The following ESRRG variants were observed in gnomAD, a reference collection of about 807,000 sequenced individuals.
ESRRG encodes the protein estrogen related receptor gamma.
ESRRG carries 13 observed loss-of-function variants against 44.0 expected under a neutral mutation model. The observed-to-expected ratio is 0.30, with a 90% CI of 0.19 to 0.47. The LOEUF is 0.47. Among genes scored for constraint, ESRRG ranks in the 20% least tolerant of loss-of-function variants. The pLI is 1.00. For synonymous variants in ESRRG, 215 were observed against 214.6 expected (o/e 1.00, Z -0.02); for missense variants, 395 against 580.6 (o/e 0.68, Z 3.29).
At chr1:217,095,017 A>G (rs897137329) in intron 1 of ESRRG, among the ~76,000 whole-genome samples, 2 of 149,052 alleles carry the variant, frequency 1.3e-5, no homozygotes, top group African/African-American at 2.5e-5. Context: ...TTGTAGGCAA[A>G]GTGTGTGTCT....
intron 1 of ESRRG, 60 bp downstream of exon 1, chr1:216,723,184 T>TG: frequency 1.5e-6 from 2 of 1,377,184 alleles, no homozygotes; most frequent in Non-Finnish European, 2.1e-6. Context: ...ATATAGTCTG[T>TG]CCGCCCCCAC....
intron 2 of ESRRG, among the ~76,000 whole-genome samples, chr1:216,889,174 C>A (rs1313714714): frequency 6.6e-6 from 1 of 152,184 alleles, no homozygotes; most frequent in African/African-American, 2.4e-5. Context: ...TTGCTGACAT[C>A]CTTCCAGTTT....
At chr1:216,613,433 G>C (rs988670985) in intron 3 of ESRRG, among the ~76,000 whole-genome samples, 1 of 152,158 alleles carries the variant, frequency 6.6e-6, no homozygotes, top group South Asian at 2.1e-4. Flanking sequence ...ATTTTTGGCA[G>C]AGGTGCTATA....
chr1:216,719,744 G>C (rs1251459076), intron 1 of ESRRG, among the ~76,000 whole-genome samples: 2 of 151,968 alleles, frequency 1.3e-5, no homozygotes, highest in Non-Finnish European at 2.9e-5. Flanking sequence ...ATCCATGCAA[G>C]AGAATTAATG....
intron 1 of ESRRG, among the ~76,000 whole-genome samples, chr1:216,991,870 A>G (rs1489657333): frequency 6.6e-6 from 1 of 152,166 alleles, no homozygotes; most frequent in Non-Finnish European, 1.5e-5. Context: ...GGCGTGTTTT[A>G]TTTGTGCCAC....
intron 3 of ESRRG, among the ~76,000 whole-genome samples, chr1:216,587,203 C>T (rs1363089761): frequency 2.0e-5 from 3 of 152,138 alleles, no homozygotes; most frequent in East Asian, 3.9e-4. Context: ...CGTAATGTTG[C>T]TTCAAACTTA....
intron 3 of ESRRG, among the ~76,000 whole-genome samples, chr1:216,610,857 A>C (rs1032229657): frequency 5.3e-5 from 8 of 152,156 alleles, no homozygotes; most frequent in African/African-American, 1.9e-4. Context: ...TGGTTAAGTA[A>C]GTGCCCAGGT....
At chr1:216,742,394 C>A (rs1363855376) in intron 2 of ESRRG, among the ~76,000 whole-genome samples, 1 of 152,036 alleles carries the variant, frequency 6.6e-6, no homozygotes, top group Non-Finnish European at 1.5e-5. Flanking sequence ...AGTGAGCAAC[C>A]TTTAAGATAA....
intron 1 of ESRRG, among the ~76,000 whole-genome samples, chr1:217,060,417 T>C (rs1448409559): frequency 2.0e-5 from 3 of 152,098 alleles, no homozygotes; most frequent in Admixed American, 2.0e-4. Flanking sequence ...TCTTAAAAGA[T>C]TTCATGAGTC....
At position 216,893,007 on chromosome 1, in the gene ESRRG, C is replaced by T. The variant is rs563841301; in HGVS notation, c.-14+46575G>A. ...CAAGAATAAAGTCCAAATTCCTTAGCTGCACATTTAAGACTACTCACAATC... is the reference window on the plus strand; with the variant it reads ...CAAGAATAAAGTCCAAATTCCTTAGTTGCACATTTAAGACTACTCACAATC... On this transcript the variant is annotated intron_variant, in intron 2 of 7. Coordinates refer to the ESRRG transcript ENST00000359162. Among the ~76,000 whole-genome samples, 168 of 152,284 alleles carry T rather than the reference C, an allele frequency of 1.1e-3. 1 individual carries two copies. Among genetic ancestry groups the T allele is most frequent in the African/African-American group, 4.0e-3 (166 of 41,570 alleles).
chr1:216,584,489 C>G (rs1320168589), intron 3 of ESRRG, among the ~76,000 whole-genome samples: 1 of 152,050 alleles, frequency 6.6e-6, no homozygotes, highest in Non-Finnish European at 1.5e-5. Flanking sequence ...ATCTCCTGAC[C>G]TCGTGATCCA....
At chr1:217,134,408 C>A (rs775901388) in intron 1 of ESRRG, among the ~76,000 whole-genome samples, 1 of 152,198 alleles carries the variant, frequency 6.6e-6, no homozygotes, top group Non-Finnish European at 1.5e-5. Context: ...GATCTCGATG[C>A]GCGCAGTGAG....
At chr1:216,666,359 A>C (rs555164258) in intron 2 of ESRRG, among the ~76,000 whole-genome samples, 2 of 152,356 alleles carry the variant, frequency 1.3e-5, no homozygotes, top group South Asian at 4.1e-4. Context: ...TTGTATAACT[A>C]TTTGAACATA....
chr1:217,081,221 CTTTT>C (rs143325476), intron 1 of ESRRG, among the ~76,000 whole-genome samples: 9 of 70,410 alleles, frequency 1.3e-4, no homozygotes, highest in Admixed American at 5.0e-4. Context: ...TAAAAATATT[CTTTT>C]TTTTTTTTTT....
chr1:216,780,589 T>C (rs1196293805), intron 2 of ESRRG, among the ~76,000 whole-genome samples: 2 of 152,016 alleles, frequency 1.3e-5, no homozygotes, highest in African/African-American at 4.8e-5. Flanking sequence ...CTTCATGTTA[T>C]CAAACAGAAA....
intron 1 of ESRRG, among the ~76,000 whole-genome samples, chr1:216,956,457 C>T (rs1412883895): frequency 8.5e-5 from 13 of 152,096 alleles, no homozygotes; most frequent in East Asian, 1.9e-4. Context: ...TCTGTTCCAT[C>T]GGTCTATGTG....
chr1:216,986,362 A>G (rs2074863782), intron 1 of ESRRG, among the ~76,000 whole-genome samples: 1 of 151,998 alleles, frequency 6.6e-6, no homozygotes, highest in African/African-American at 2.4e-5. Context: ...ATGCAGATTC[A>G]GAAATTGTAT....
At chr1:217,060,519 A>G (rs1419631870) in intron 1 of ESRRG, among the ~76,000 whole-genome samples, 1 of 152,136 alleles carries the variant, frequency 6.6e-6, no homozygotes, top group Non-Finnish European at 1.5e-5. Flanking sequence ...AGCCAAAGAA[A>G]TATGATGCAA....
At chr1:216,728,894 A>G (rs1410523082) in intron 2 of ESRRG, among the ~76,000 whole-genome samples, 3 of 152,098 alleles carry the variant, frequency 2.0e-5, no homozygotes, top group Non-Finnish European at 4.4e-5. Context: ...CACACTTCTA[A>G]GATTTCTTTT....
Sources: gnomAD v4.1 joint callset for allele counts (sites outside exome capture counted in the v4.1 genomes callset) on GRCh38, gnomAD v4.1.1 for gene constraint, MANE v1.5 for transcripts, NCBI Gene and HGNC (gene_info 2026-07-23, HGNC 2026-07-21) for gene names.